The following NTN1 variants were observed in gnomAD, a reference collection of about 807,000 sequenced individuals.
NTN1 encodes the protein netrin-1.
A neutral mutation model predicts 54.2 loss-of-function variants in NTN1; 11 were observed. The ratio of observed to expected loss-of-function variants is 0.20; its 90% CI spans 0.13 to 0.34. NTN1 has a LOEUF of 0.34. NTN1 is among the 10% of genes least tolerant of loss of function. NTN1 has a pLI of 1.00. For synonymous variants in NTN1, 371 were observed against 382.0 expected (o/e 0.97, Z 0.33); for missense variants, 740 against 893.1 (o/e 0.83, Z 2.18).
At chr17:9,119,632 C>T (rs1244228606) in intron 2 of NTN1, among the ~76,000 whole-genome samples, 1 of 151,918 alleles carries the variant, frequency 6.6e-6, no homozygotes, top group East Asian at 1.9e-4. Flanking sequence ...TCAAGTAGTT[C>T]AGACTATAAG....
At chr17:9,222,906 G>A (rs1905410355) in intron 6 of NTN1, among the ~76,000 whole-genome samples, 1 of 152,198 alleles carries the variant, frequency 6.6e-6, no homozygotes, top group Non-Finnish European at 1.5e-5. Flanking sequence ...GTATGTGAGA[G>A]AGTTCATACG....
At chr17:9,101,281 G>A (rs1418590990) in intron 2 of NTN1, among the ~76,000 whole-genome samples, 5 of 152,166 alleles carry the variant, frequency 3.3e-5, no homozygotes, top group Non-Finnish European at 7.4e-5. Flanking sequence ...GTGGACCAAA[G>A]CATCCAGTCT....
chr17:9,215,772 G>GT (rs1199975428), intron 5 of NTN1, among the ~76,000 whole-genome samples: 1 of 152,084 alleles, frequency 6.6e-6, no homozygotes, highest in Non-Finnish European at 1.5e-5. Context: ...TATTTCATAT[G>GT]TTTTGCAAAG....
intron 2 of NTN1, among the ~76,000 whole-genome samples, chr17:9,094,130 A>G (rs1253510905): frequency 6.6e-6 from 1 of 152,222 alleles, no homozygotes; most frequent in East Asian, 1.9e-4. Context: ...ACAGGATTTT[A>G]TATTCAAACA....
At chr17:9,216,864 A>G (rs1682126210) in intron 5 of NTN1, among the ~76,000 whole-genome samples, 1 of 152,162 alleles carries the variant, frequency 6.6e-6, no homozygotes, top group African/African-American at 2.4e-5. Flanking sequence ...AACTTGGTGA[A>G]ACCCTGTCTC....
At position 9,182,911 on chromosome 17, in the gene NTN1, CAA is replaced by C; in HGVS notation, c.1358-3_1358-2del. 1.2e-6 allele frequency: 2 copies of C among 1,613,716 alleles called. No homozygotes were observed. The highest frequency in any genetic ancestry group is 1.7e-6 in the Non-Finnish European group (2 of 1,179,854). On this transcript the variant is annotated splice_polypyrimidine_tract_variant and splice_region_variant and intron_variant, in intron 4 of 6. Coordinates refer to ENST00000173229, the MANE Select transcript of NTN1 (RefSeq NM_004822.3). Reference sequence around the variant, plus strand: ...CCCCTCGCCCCCGTCTTGAACCTCACAAAGAGATCCCTGTAGCGCCGCCGACG... The same window carrying C: ...CCCCTCGCCCCCGTCTTGAACCTCACAGAGATCCCTGTAGCGCCGCCGACG...
intron 2 of NTN1, among the ~76,000 whole-genome samples, chr17:9,094,097 A>AT (rs2092122417): frequency 6.6e-6 from 1 of 152,222 alleles, no homozygotes; most frequent in Non-Finnish European, 1.5e-5. Flanking sequence ...CTTTTAATGC[A>AT]TACAAACATT....
chr17:9,223,138 G>A (rs1905419868), intron 6 of NTN1, among the ~76,000 whole-genome samples: 1 of 152,228 alleles, frequency 6.6e-6, no homozygotes, highest in Non-Finnish European at 1.5e-5. Flanking sequence ...CCAGGGCAGT[G>A]CAGAAACTTC....
the NTN1 span, among the ~76,000 whole-genome samples, chr17:9,016,448 C>T: frequency 6.6e-6 from 1 of 152,184 alleles, no homozygotes; most frequent in Admixed American, 6.5e-5. Context: ...AGTTATTCCC[C>T]ACCTCATAGT....
Position 9,182,907 on chromosome 17 carries a change from C to G in NTN1, c.1358-9C>G, listed in dbSNP as rs775620042. 11 of 1,613,938 alleles carry G rather than the reference C, an allele frequency of 6.8e-6. No homozygotes were observed. The highest frequency in any genetic ancestry group is 8.5e-6 in the Non-Finnish European group (10 of 1,179,960). ...TCCTCCCCTCGCCCCCGTCTTGAACCTCACAAAGAGATCCCTGTAGCGCCG... is the reference window on the plus strand; with the variant it reads ...TCCTCCCCTCGCCCCCGTCTTGAACGTCACAAAGAGATCCCTGTAGCGCCG... On this transcript the variant is annotated splice_polypyrimidine_tract_variant and intron_variant, in intron 4 of 6. Coordinates refer to ENST00000173229, the MANE Select transcript of NTN1 (RefSeq NM_004822.3).
At position 9,138,974 on chromosome 17, in the gene NTN1, A is replaced by G. The variant is rs146381601; in HGVS notation, c.1019-23839A>G. Among the ~76,000 whole-genome samples the G allele has an allele frequency of 5.5e-4, 83 of 152,260 alleles. 2 individuals are homozygous for G. In the East Asian group the frequency reaches 0.012, roughly 22 times the overall value. ...ATATCCCTGAATGTGCTTTTCACCT[A>G]AGACCATTTTCCAGTGTGGCGTGTG... On this transcript the variant is annotated intron_variant, in intron 2 of 6. Coordinates refer to ENST00000173229, the MANE Select transcript of NTN1 (RefSeq NM_004822.3).
chr17:9,033,252 C>G (rs551141570), intron 2 of NTN1, among the ~76,000 whole-genome samples: 1 of 152,230 alleles, frequency 6.6e-6, no homozygotes, highest in South Asian at 2.1e-4. Context: ...CCGTGCCCGG[C>G]CCAATCCTTT....
chr17:9,029,287 A>G (rs1198599577), intron 2 of NTN1, among the ~76,000 whole-genome samples: 1 of 152,182 alleles, frequency 6.6e-6, no homozygotes. Context: ...AGATTGCCAC[A>G]AGGAACGGAA....
chr17:9,228,489 C>A (rs1240838592), intron 6 of NTN1, among the ~76,000 whole-genome samples: 2 of 152,146 alleles, frequency 1.3e-5, no homozygotes, highest in East Asian at 3.9e-4. Context: ...ACGCCCCGAT[C>A]CCCTGCCTCA....
intron 6 of NTN1, among the ~76,000 whole-genome samples, chr17:9,225,254 C>CAA (rs890304311): frequency 7.5e-6 from 1 of 133,908 alleles, no homozygotes; most frequent in Non-Finnish European, 1.6e-5. Flanking sequence ...GACTCTGTCT[C>CAA]AAAAAAAAAA....
At chr17:9,031,680 C>T (rs1014806615) in intron 2 of NTN1, among the ~76,000 whole-genome samples, 1 of 152,256 alleles carries the variant, frequency 6.6e-6, no homozygotes, top group East Asian at 1.9e-4. Context: ...TGCGGTGGCT[C>T]ACACCTGTAA....
intron 2 of NTN1, among the ~76,000 whole-genome samples, chr17:9,075,943 G>A (rs2092047989): frequency 1.3e-5 from 2 of 152,232 alleles, no homozygotes; most frequent in South Asian, 2.1e-4. Context: ...CTGGGTTGAC[G>A]TTAGGGAGGC....
At chr17:9,179,080 T>A (rs572215687) in intron 3 of NTN1, 1 of 152,412 alleles carries the variant, frequency 6.6e-6, no homozygotes, top group South Asian at 2.1e-4. Flanking sequence ...CGGGCCTTGC[T>A]TCAGCTCCCA....
At chr17:9,138,485 C>G (rs1175881468) in intron 2 of NTN1, among the ~76,000 whole-genome samples, 4 of 152,156 alleles carry the variant, frequency 2.6e-5, no homozygotes, top group African/African-American at 7.2e-5. Context: ...CTGCCTCTCC[C>G]TGACCTCAAC....
Sources: allele counts gnomAD v4.1 joint callset (sites outside exome capture counted in the v4.1 genomes callset), GRCh38; gene constraint gnomAD v4.1.1; transcripts MANE v1.5; gene names NCBI Gene and HGNC (gene_info 2026-07-23, HGNC 2026-07-21).